The following GSE1 variants were observed in gnomAD, a reference collection of about 807,000 sequenced individuals.
GSE1 encodes genetic suppressor element 1.
In GSE1, 32 loss-of-function variants were observed where a neutral mutation model predicts 112.6. The observed-to-expected ratio is 0.28, with a 90% CI of 0.21 to 0.38. GSE1 has a LOEUF of 0.38. Ranked by LOEUF, GSE1 falls within the 10% of genes least tolerant of loss-of-function variation. The pLI, the probability that GSE1 is intolerant of heterozygous loss-of-function variation, is 1.00. For synonymous variants in GSE1, 1,115 were observed against 735.6 expected, an observed-to-expected ratio of 1.52 and a Z score of -8.35; for missense variants, 2,348 against 1,699.2, an observed-to-expected ratio of 1.38 and a Z score of -6.71.
intron 2 of GSE1, among the ~76,000 whole-genome samples, chr16:85,523,127 CTGTG>C (rs1054255592): frequency 6.7e-6 from 1 of 148,962 alleles, no homozygotes; most frequent in East Asian, 2.0e-4. Context: ...TGTGTGTGGC[CTGTG>C]TGTGTGTGGC....
intron 2 of GSE1, among the ~76,000 whole-genome samples, chr16:85,466,325 C>T (rs534463314): frequency 3.3e-5 from 5 of 152,290 alleles, no homozygotes; most frequent in African/African-American, 1.2e-4. Context: ...GTGATTACTC[C>T]CCAAGGAGGA....
intron 2 of GSE1, among the ~76,000 whole-genome samples, chr16:85,372,606 C>A (rs975358244): frequency 4.6e-5 from 7 of 152,160 alleles, no homozygotes; most frequent in African/African-American, 1.7e-4. Context: ...GCTCCCCATC[C>A]CTGACCATAT....
intron 2 of GSE1, among the ~76,000 whole-genome samples, chr16:85,487,197 C>A (rs1407750202): frequency 6.6e-6 from 1 of 152,154 alleles, no homozygotes; most frequent in South Asian, 2.1e-4. Flanking sequence ...ATACAAATAG[C>A]CTCTCACTGG....
intron 2 of GSE1, among the ~76,000 whole-genome samples, chr16:85,470,508 G>A (rs1567513303): frequency 6.6e-6 from 1 of 152,228 alleles, no homozygotes; most frequent in Non-Finnish European, 1.5e-5. Flanking sequence ...CTCTATGTGT[G>A]GCTTCTTGGG....
chr16:85,538,132 G>A (rs2044395518), intron 2 of GSE1, among the ~76,000 whole-genome samples: 1 of 152,250 alleles, frequency 6.6e-6, no homozygotes, highest in South Asian at 2.1e-4. Context: ...AGAAGGGGAG[G>A]GGAGAAGAGA....
intron 2 of GSE1, among the ~76,000 whole-genome samples, chr16:85,442,971 C>T (rs1007285668): frequency 6.6e-6 from 1 of 152,292 alleles, no homozygotes; most frequent in African/African-American, 2.4e-5. Flanking sequence ...TCACCCTGAC[C>T]CCTGGCTCCG....
chr16:85,552,088 C>T (rs912117893), upstream of GSE1, among the ~76,000 whole-genome samples: 16 of 151,904 alleles, frequency 1.1e-4, no homozygotes, highest in Non-Finnish European at 1.6e-4. Context: ...TGCAGTGGTG[C>T]GATCTTGGCT....
chr16:85,447,013 C>T (rs113823657), intron 2 of GSE1, among the ~76,000 whole-genome samples: 28 of 152,262 alleles, frequency 1.8e-4, no homozygotes, highest in African/African-American at 6.3e-4. Flanking sequence ...ATGGGCCACA[C>T]GCCTTGAGCT....
intron 1 of GSE1, among the ~76,000 whole-genome samples, chr16:85,562,893 CA>C (rs1212293853): frequency 6.6e-6 from 1 of 152,218 alleles, no homozygotes; most frequent in Non-Finnish European, 1.5e-5. Context: ...GTGGTAGAGG[CA>C]GCCTCTCCAT....
chr16:85,514,422 C>G (rs62048390), intron 2 of GSE1, among the ~76,000 whole-genome samples: 1 of 127,440 alleles, frequency 7.8e-6, no homozygotes, highest in African/African-American at 3.0e-5. Context: ...CGCATGCTCT[C>G]GAGTCCCCCC....
At chr16:85,379,448 C>A (rs1403544219) in intron 2 of GSE1, among the ~76,000 whole-genome samples, 6 of 152,250 alleles carry the variant, frequency 3.9e-5, no homozygotes, top group Non-Finnish European at 7.3e-5. Context: ...CTCCCACAGA[C>A]CCCTCCCTGC....
chr16:85,193,178 C>T (rs545748029), intron 1 of GSE1, among the ~76,000 whole-genome samples: 3 of 152,110 alleles, frequency 2.0e-5, no homozygotes, highest in East Asian at 1.9e-4. Context: ...GGTTGAACAC[C>T]GAGTCCACAT....
intron 1 of GSE1, among the ~76,000 whole-genome samples, chr16:85,627,631 C>T (rs945905042): frequency 1.3e-5 from 2 of 152,284 alleles, no homozygotes; most frequent in African/African-American, 4.8e-5. Context: ...TGCTGAGCTG[C>T]ACATGTCAAG....
intron 2 of GSE1, among the ~76,000 whole-genome samples, chr16:85,456,952 C>T (rs11149749): frequency 0.88 from 133,637 of 152,198 alleles, 61,095 homozygotes; most frequent in East Asian, 1. Context: ...CTTGCTAAGT[C>T]ACAAGAGACC....
intron 2 of GSE1, among the ~76,000 whole-genome samples, chr16:85,397,489 CG>C (rs2047994893): frequency 6.6e-6 from 1 of 152,224 alleles, no homozygotes; most frequent in South Asian, 2.1e-4. Flanking sequence ...AGGCTTGTCA[CG>C]GTACTAAATC....
intron 1 of GSE1, among the ~76,000 whole-genome samples, chr16:85,585,636 G>A (rs577916939): frequency 8.7e-4 from 132 of 152,340 alleles, no homozygotes; most frequent in Admixed American, 2.3e-3. Context: ...GCAGTCTGCT[G>A]CAGGGCCCAA....
At chr16:85,519,572 ATCACCAGTCT>A (rs2052092766) in intron 2 of GSE1, among the ~76,000 whole-genome samples, 1 of 128,946 alleles carries the variant, frequency 7.8e-6, no homozygotes, top group Non-Finnish European at 1.6e-5. Context: ...CATCATCACC[ATCACCAGTCT>A]CCATCATCAT....
At chr16:85,447,413 C>G (rs945954858) in intron 2 of GSE1, among the ~76,000 whole-genome samples, 1 of 152,204 alleles carries the variant, frequency 6.6e-6, no homozygotes, top group Admixed American at 6.5e-5. Flanking sequence ...GGGCAGATGA[C>G]CTCTCTGGAC....
intron 2 of GSE1, among the ~76,000 whole-genome samples, chr16:85,376,493 G>A (rs11866854): frequency 0.045 from 6,902 of 152,312 alleles, 506 homozygotes; most frequent in African/African-American, 0.16. Context: ...CACAGAAAGA[G>A]CCTGTGGCCG....
Sources: allele counts gnomAD v4.1 joint callset (sites outside exome capture counted in the v4.1 genomes callset), GRCh38; gene constraint gnomAD v4.1.1; transcripts MANE v1.5; gene names NCBI Gene and HGNC (gene_info 2026-07-23, HGNC 2026-07-21).